The following CCDC85A variants were observed in gnomAD, a reference collection of about 807,000 sequenced individuals.
CCDC85A encodes the protein coiled-coil domain containing 85A.
In CCDC85A, 38 loss-of-function variants were observed where a neutral mutation model predicts 50.2. That is an observed-to-expected ratio of 0.76 (90% CI 0.58 to 0.99). The LOEUF is 0.99. Among genes scored for constraint, CCDC85A ranks in the 50% least tolerant of loss-of-function variants. The pLI is 0.00. For synonymous variants in CCDC85A, 366 were observed against 301.4 expected, an observed-to-expected ratio of 1.21 and a Z score of -2.22; for missense variants, 820 against 742.0, an observed-to-expected ratio of 1.11 and a Z score of -1.22.
At chr2:56,257,349 T>C (rs528899993) in intron 2 of CCDC85A, among the ~76,000 whole-genome samples, 1 of 152,196 alleles carries the variant, frequency 6.6e-6, no homozygotes, top group African/African-American at 2.4e-5. Flanking sequence ...ATTAAAGGAT[T>C]AGGAAAACTT....
chr2:56,266,289 A>G (rs1670436185), intron 2 of CCDC85A, among the ~76,000 whole-genome samples: 1 of 152,168 alleles, frequency 6.6e-6, no homozygotes, highest in African/African-American at 2.4e-5. Context: ...AGCTGAAAGA[A>G]TGTGGTGTGC....
At chr2:56,361,938 T>G (rs573186375) in intron 3 of CCDC85A, among the ~76,000 whole-genome samples, 1 of 152,204 alleles carries the variant, frequency 6.6e-6, no homozygotes, top group Non-Finnish European at 1.5e-5. Context: ...AGCTTGGTAG[T>G]CTAAGAGAGC....
rs1225275174 is a variant in CCDC85A, at chr2:56,193,428, A to G, written c.1228A>G (p.Ser410Gly). The part of the protein sequence containing the change: ...DGSPHHRNVY[S>G]GMNESTLSYV... ...GTCACCCCATCACCGGAATGTCTAC[A>G]GTGGCATGAACGGTGGGTCAGTATG... is the stretch of plus-strand genomic sequence containing the variant. The change falls in exon 2 of 6, where the codon AGT (serine) becomes GGT (glycine). Residue 410 changes from serine to glycine, a missense_variant. By Grantham distance (56) the Ser-to-Gly change is moderately conservative. Transcript: ENST00000407595. 1 of 1,606,000 alleles carries G rather than the reference A, an allele frequency of 6.2e-7. No homozygotes were observed. Among genetic ancestry groups the G allele is most frequent in the Non-Finnish European group, 8.5e-7 (1 of 1,176,480 alleles).
intron 2 of CCDC85A, among the ~76,000 whole-genome samples, chr2:56,305,531 C>T (rs1672403830): frequency 6.6e-6 from 1 of 152,204 alleles, no homozygotes. Context: ...TATGCAACGT[C>T]TACTGCCAGA....
chr2:56,321,239 G>C (rs1673169672), intron 2 of CCDC85A, among the ~76,000 whole-genome samples: 2 of 152,156 alleles, frequency 1.3e-5, no homozygotes, highest in Non-Finnish European at 2.9e-5. Context: ...ACAAGACAGG[G>C]ATGCCCTCTC....
At chr2:56,370,126 G>A (rs1010395806) in intron 3 of CCDC85A, among the ~76,000 whole-genome samples, 2 of 152,130 alleles carry the variant, frequency 1.3e-5, no homozygotes, top group African/African-American at 4.8e-5. Context: ...AAAATAGGAA[G>A]TGACGATCTT....
Position 56,293,755 on chromosome 2 carries a change from A to T in CCDC85A, c.1241-49124A>T, listed in dbSNP as rs186238161. ...AAATTCAAATCAAAACCACAATGAG[A>T]TACCATCTCACACCAGTTGGAATGG... On this transcript the variant is annotated intron_variant, in intron 2 of 5. Coordinates refer to ENST00000407595, the MANE Select transcript of CCDC85A (RefSeq NM_001080433.2). Among the ~76,000 whole-genome samples the T allele has an allele frequency of 2.8e-3, 424 of 152,366 alleles. 5 individuals carry two copies. The highest frequency in any genetic ancestry group is 9.9e-3 in the African/African-American group (411 of 41,594).
intron 3 of CCDC85A, among the ~76,000 whole-genome samples, chr2:56,371,241 GA>G (rs1676056498): frequency 6.6e-6 from 1 of 152,072 alleles, no homozygotes; most frequent in Non-Finnish European, 1.5e-5. Context: ...GTTCAGAAAA[GA>G]GTTTTGTGAG....
chr2:56,184,760 C>T lies in CCDC85A; in HGVS notation c.136C>T (p.Gln46Ter). 1.3e-6 allele frequency: 2 copies of T among 1,545,424 alleles called. No individual in the cohort carries two copies. Among genetic ancestry groups the T allele is most frequent in the Non-Finnish European group, 1.7e-6 (2 of 1,145,740 alleles). The change falls in exon 1 of 6, where the codon CAG (glutamine) becomes TAG (stop). Residue 46 changes from glutamine (Q) to a stop codon, truncating the protein, a stop_gained. Coordinates refer to ENST00000407595, the MANE Select transcript of CCDC85A (RefSeq NM_001080433.2). LOFTEE classifies it high-confidence loss of function. Reference sequence around the variant, plus strand: ...CAAAGTGTCGGACGAGGAGCTGCTGCAGTGGAGCAAGGAGGAGCTGATCCG... The same window carrying T: ...CAAAGTGTCGGACGAGGAGCTGCTGTAGTGGAGCAAGGAGGAGCTGATCCG... Reference protein sequence around the residue: ...LSKVSDEELLQWSKEELIRSL... With the variant: ...LSKVSDEELL
chr2:56,192,625 C>G lies in CCDC85A; in HGVS notation c.425C>G (p.Ala142Gly), dbSNP rs755494806. 29 of 1,613,728 alleles carry G rather than the reference C, an allele frequency of 1.8e-5. No individual in the cohort carries two copies. Among genetic ancestry groups the G allele is most frequent in the Non-Finnish European group, 2.4e-5 (28 of 1,179,850 alleles). ...GCCGGGGTGATGCACAAGGAAGTGG[C>G]CTTATACCTGCAGAAGCTGAAAGAC... ...YTAGVMHKEV[A>G]LYLQKLKDLE... The change falls in exon 2 of 6, where the codon GCC becomes GGC. Residue 142 changes from alanine to glycine, a missense_variant. Coordinates refer to ENST00000407595, the MANE Select transcript of CCDC85A (RefSeq NM_001080433.2). This position sits in a 1 kb window ranked among gnomAD's most constrained non-coding sequence, Gnocchi z 4.7.
intron 2 of CCDC85A, among the ~76,000 whole-genome samples, chr2:56,223,016 G>A (rs746546639): frequency 5.3e-5 from 8 of 151,920 alleles, no homozygotes; most frequent in African/African-American, 1.2e-4. Flanking sequence ...ACCTACCTAC[G>A]CGTAAGTGCC....
intron 2 of CCDC85A, among the ~76,000 whole-genome samples, chr2:56,247,509 C>G (rs867408985): frequency 1.2e-4 from 18 of 152,086 alleles, no homozygotes; most frequent in Middle Eastern, 3.2e-3. Context: ...TCATTGAGAC[C>G]ATTTAGGCTT....
At chr2:56,197,437 A>G (rs777686053) in intron 2 of CCDC85A, among the ~76,000 whole-genome samples, 5 of 152,158 alleles carry the variant, frequency 3.3e-5, no homozygotes, top group Admixed American at 6.5e-5. Flanking sequence ...GTGGTTTTCA[A>G]TCTAGCTGCA....
At chr2:56,305,591 G>T (rs144305523) in intron 2 of CCDC85A, among the ~76,000 whole-genome samples, 7 of 152,334 alleles carry the variant, frequency 4.6e-5, no homozygotes, top group Non-Finnish European at 1.0e-4. Context: ...GTTTTCAAGA[G>T]ATTCTATAAT....
rs183361232 is a variant in CCDC85A at position 56,350,652 on chromosome 2, T to C, written c.1317+7697T>C. Among the ~76,000 whole-genome samples the C allele has an allele frequency of 4.3e-3, 661 of 152,142 alleles. 5 individuals are homozygous for C. Among genetic ancestry groups the C allele is most frequent in the Middle Eastern group, 0.014 (4 of 294 alleles). ...TGATTTCCAGTAGAGCAGTCTTACTTTGATCTCCATTTCCTGCTGGAGGTT... is the reference window on the plus strand; with the variant it reads ...TGATTTCCAGTAGAGCAGTCTTACTCTGATCTCCATTTCCTGCTGGAGGTT... On this transcript the variant is annotated intron_variant, in intron 3 of 5. Transcript: ENST00000407595.
chr2:56,384,575 C>T lies in CCDC85A; in HGVS notation c.*220C>T, dbSNP rs191075788. ...AATGTCCACAACAGTCAATCTCAAA[C>T]AAGGTAGCTTTGAACATCTCAAACA... On this transcript the variant is annotated 3_prime_UTR_variant, in exon 6 of 6. Transcript: ENST00000407595. The T allele has an allele frequency of 4.6e-4, 216 of 469,960 alleles. No homozygotes were observed. In the East Asian group the frequency reaches 6.2e-3, roughly 13 times the overall value. The allele number at this position is 469,960 out of a possible 1,614,324, so 29.1% of individuals were successfully genotyped here. A position where few individuals can be genotyped will look rare whatever the true frequency, so the allele number is the denominator to read the frequency against.
intron 2 of CCDC85A, among the ~76,000 whole-genome samples, chr2:56,264,360 C>T (rs1006817311): frequency 1.3e-5 from 2 of 152,136 alleles, no homozygotes; most frequent in Non-Finnish European, 2.9e-5. Flanking sequence ...CCCCTGGCTG[C>T]CTGCCCTGTC....
chr2:56,200,528 A>G (rs1210838193), intron 2 of CCDC85A, among the ~76,000 whole-genome samples: 2 of 152,308 alleles, frequency 1.3e-5, no homozygotes, highest in East Asian at 3.9e-4. Flanking sequence ...GGTTCAAGTT[A>G]CTGCTGCTCC....
intron 2 of CCDC85A, among the ~76,000 whole-genome samples, chr2:56,301,905 A>G (rs1236588625): frequency 3.9e-5 from 6 of 152,182 alleles, no homozygotes; most frequent in Non-Finnish European, 8.8e-5. Context: ...ATGCATACCT[A>G]TGTAACAAAC....
Sources: gnomAD v4.1 joint callset for allele counts (sites outside exome capture counted in the v4.1 genomes callset) on GRCh38, gnomAD v4.1.1 for gene constraint, Gnocchi (gnomAD v3.1) non-coding constraint, MANE v1.5 for transcripts, NCBI Gene and HGNC (gene_info 2026-07-23, HGNC 2026-07-21) for gene names.